The following COL5A3 variants were observed in gnomAD, a reference collection of about 807,000 sequenced individuals.
COL5A3 encodes collagen type V alpha 3 chain.
In COL5A3, 172 loss-of-function variants were observed where a neutral mutation model predicts 250.0. The ratio of observed to expected loss-of-function variants is 0.69; its 90% CI spans 0.61 to 0.78. The LOEUF is 0.78. Among genes scored for constraint, COL5A3 ranks in the 30% least tolerant of loss-of-function variants. COL5A3 has a pLI of 0.00. For synonymous variants in COL5A3, 937 were observed against 900.4 expected, an observed-to-expected ratio of 1.04 and a Z score of -0.73; for missense variants, 2,340 against 2,334.4, an observed-to-expected ratio of 1.00 and a Z score of -0.05.
intron 24 of COL5A3, among the ~76,000 whole-genome samples, chr19:9,990,119 C>T (rs957668589): frequency 1.1e-4 from 16 of 151,212 alleles, no homozygotes; most frequent in South Asian, 2.1e-4. Context: ...AGAGGCCGGG[C>T]GTGGTGGCTC....
In COL5A3 at chr19:10,005,586, G is replaced by T; in HGVS notation, c.566C>A (p.Thr189Asn). ...GAAAGTCTTTTCCCCAAGGTCCTGG[G>T]TCCCCAGCACAGTGAGTCCAGCTAT... The part of the protein sequence containing the change: ...ISIAGLTVLG[T>N]QDLGEKTFEG... Residue 189 changes from threonine to asparagine, a missense_variant, in exon 4 of 67, where the codon ACC becomes AAC. Coordinates refer to ENST00000264828, the MANE Select transcript of COL5A3 (RefSeq NM_015719.4). 6.2e-7 allele frequency: 1 copy of T among 1,614,142 alleles called. No individual in the cohort carries two copies. Among genetic ancestry groups the T allele is most frequent in the Non-Finnish European group, 8.5e-7 (1 of 1,180,030 alleles).
In COL5A3 at chr19:9,968,347, T is replaced by G; in HGVS notation, c.4314+38A>C. On this transcript the variant is annotated intron_variant, in intron 59 of 66. Coordinates refer to ENST00000264828, the MANE Select transcript of COL5A3 (RefSeq NM_015719.4). This position sits in a 1 kb window ranked among gnomAD's most constrained non-coding sequence, Gnocchi z 4.1. ...CACAGTCTCTCAACCGACCCCCTCC[T>G]TCAAATGCATTCTTCCCGCTCAGGT... 1.0e-4 allele frequency: 139 copies of G among 1,371,990 alleles called. No homozygotes were observed. The highest frequency in any genetic ancestry group is 1.8e-4 in the Middle Eastern group (1 of 5,456). The allele number at this position is 1,371,990 out of a possible 1,614,324, so 85.0% of individuals were successfully genotyped here. A position where few individuals can be genotyped will look rare whatever the true frequency, so the allele number is the denominator to read the frequency against.
intron 31 of COL5A3, among the ~76,000 whole-genome samples, chr19:9,982,587 T>C (rs1240267672): frequency 6.6e-6 from 1 of 152,208 alleles, no homozygotes; most frequent in Non-Finnish European, 1.5e-5. Context: ...ATTGGTCTTA[T>C]TCCCCACTGC....
intron 64 of COL5A3, among the ~76,000 whole-genome samples, chr19:9,965,146 TTTTC>T (rs1313732712): frequency 8.1e-6 from 1 of 123,264 alleles, no homozygotes. Flanking sequence ...TCTTTTTTTC[TTTTC>T]TTTTTCTTTT....
At chr19:9,963,893 G>C (rs2086704416) in intron 64 of COL5A3, among the ~76,000 whole-genome samples, 1 of 152,110 alleles carries the variant, frequency 6.6e-6, no homozygotes, top group African/African-American at 2.4e-5. Context: ...ATGGGGCCAG[G>C]CGCGGTGGCT....
chr19:9,991,586 G>A (rs763217169), intron 24 of COL5A3, 24 bp downstream of exon 24: 25 of 1,565,820 alleles, frequency 1.6e-5, no homozygotes, highest in African/African-American at 4.1e-5. Flanking sequence ...TGAGGAGGTC[G>A]CGGTAGGTGG....
chr19:9,964,665 T>C (rs1028592915), intron 64 of COL5A3, among the ~76,000 whole-genome samples: 4 of 151,894 alleles, frequency 2.6e-5, no homozygotes, highest in African/African-American at 9.7e-5. Context: ...GGCCAGGTTC[T>C]TGCTAAGTGC....
chr19:9,991,752 CT>C (rs1322477148), intron 23 of COL5A3, 35 bp downstream of exon 23: 7 of 1,596,354 alleles, frequency 4.4e-6, no homozygotes, highest in Non-Finnish European at 6.0e-6. Flanking sequence ...TAACTGACCA[CT>C]CCCATGCCCC....
intron 16 of COL5A3, among the ~76,000 whole-genome samples, 192 bp downstream of exon 16, chr19:9,995,372 C>T (rs981122082): frequency 6.6e-6 from 1 of 152,220 alleles, no homozygotes; most frequent in South Asian, 2.1e-4. Context: ...ATCACTCCTG[C>T]AGGCAAGTCC....
intron 53 of COL5A3, 41 bp from the exon 54 acceptor site, chr19:9,970,716 T>C: frequency 7.2e-7 from 1 of 1,383,596 alleles, no homozygotes; most frequent in Non-Finnish European, 9.4e-7. Flanking sequence ...TCAGCTAACA[T>C]TGTTTGAGCC....
At chr19:9,980,719 C>T in intron 34 of COL5A3, 27 bp from the exon 35 acceptor site, 2 of 1,614,130 alleles carry the variant, frequency 1.2e-6, no homozygotes, top group Non-Finnish European at 1.7e-6. Flanking sequence ...GAGACTCAGG[C>T]CCCAGAACAA....
chr19:9,965,702 G>A (rs1282842599), intron 64 of COL5A3, among the ~76,000 whole-genome samples: 3 of 147,918 alleles, frequency 2.0e-5, no homozygotes, highest in Non-Finnish European at 3.0e-5. Context: ...ATCTGCCCCC[G>A]CTTGGCCTCC....
chr19:9,961,788 G>A (rs1251908058), intron 65 of COL5A3, among the ~76,000 whole-genome samples: 2 of 151,320 alleles, frequency 1.3e-5, no homozygotes, highest in African/African-American at 4.9e-5. Context: ...TCGATCTCCT[G>A]ACCTCGTGAT....
chr19:9,965,160 T>C (rs1358601738), intron 64 of COL5A3, among the ~76,000 whole-genome samples: 1 of 147,382 alleles, frequency 6.8e-6, no homozygotes, highest in Non-Finnish European at 1.5e-5. Context: ...CTTTTTCTTT[T>C]TTTTTTTTTT....
chr19:10,002,239 G>A (rs1029344837), intron 6 of COL5A3, among the ~76,000 whole-genome samples: 2 of 151,536 alleles, frequency 1.3e-5, no homozygotes, highest in Non-Finnish European at 2.9e-5. Flanking sequence ...GGCTCCTTCT[G>A]GCCTGGACAG....
Position 9,960,703 on chromosome 19 carries a change from G to A in COL5A3, c.5039C>T (p.Ser1680Phe). 6.2e-7 allele frequency: 1 copy of A among 1,614,030 alleles called. No homozygotes were observed. The highest frequency in any genetic ancestry group is 8.5e-7 in the Non-Finnish European group (1 of 1,180,026). Reference protein sequence around the residue: ...RFLGTNGEELSFNQTTAATVS... With the variant: ...RFLGTNGEELFFNQTTAATVS... ...AGTGGCTGCTGTCGTCTGGTTGAAA[G>A]ACAGCTCCTCTCCATTGGTGCCAAG... The change falls in exon 66 of 67, where the codon TCT becomes TTT. Residue 1680 changes from serine (S) to phenylalanine (F), a missense_variant. Ser to Phe is a radical substitution (Grantham distance 155). Coordinates refer to ENST00000264828, the MANE Select transcript of COL5A3 (RefSeq NM_015719.4).
chr19:9,969,624 G>A lies in COL5A3; in HGVS notation c.4049C>T (p.Pro1350Leu). Reference sequence around the variant, plus strand: ...ACCCTCAGGCCCCACACGTCCAGGGGGCCCTCTAGCCCCCATTGGACCCGT... The same window carrying A: ...ACCCTCAGGCCCCACACGTCCAGGGAGCCCTCTAGCCCCCATTGGACCCGT... ...GRTGPMGARG[P>L]PGRVGPEGLR... Residue 1350 changes from proline (P) to leucine (L), a missense_variant, in exon 56 of 67, where the codon CCC becomes CTC. By Grantham distance (98) the Pro-to-Leu change is moderately conservative. Coordinates refer to ENST00000264828, the MANE Select transcript of COL5A3 (RefSeq NM_015719.4). 6.2e-7 allele frequency: 1 copy of A among 1,600,534 alleles called. No homozygotes were observed. The highest frequency in any genetic ancestry group is 8.5e-7 in the Non-Finnish European group (1 of 1,176,500).
intron 37 of COL5A3, 22 bp from the exon 38 acceptor site, chr19:9,979,439 G>A (rs373023262): frequency 1.2e-6 from 2 of 1,613,696 alleles, no homozygotes; most frequent in African/African-American, 2.7e-5. Context: ...AATTAAATGT[G>A]GGGGCGGTGT....
At chr19:9,985,391 G>A (rs2087084933) in intron 31 of COL5A3, among the ~76,000 whole-genome samples, 1 of 151,204 alleles carries the variant, frequency 6.6e-6, no homozygotes, top group South Asian at 2.1e-4. Flanking sequence ...CTCCCGAGTG[G>A]CTAGGATCAC....
Sources: allele counts gnomAD v4.1 joint callset (sites outside exome capture counted in the v4.1 genomes callset), GRCh38; gene constraint gnomAD v4.1.1; non-coding constraint Gnocchi (gnomAD v3.1); transcripts MANE v1.5; gene names NCBI Gene and HGNC (gene_info 2026-07-23, HGNC 2026-07-21).